Variants in P2RX5 observed in about 807,000 individuals in gnomAD.
The protein encoded by P2RX5 is purinergic receptor P2X 5.
In P2RX5, 46 loss-of-function variants were observed where a neutral mutation model predicts 54.1. The ratio of observed to expected loss-of-function variants is 0.85; its 90% CI spans 0.67 to 1.09. P2RX5 has a LOEUF of 1.09. P2RX5 is among the 50% of genes least tolerant of loss of function. The pLI is 0.00. For missense variants in P2RX5, 566 were observed against 549.8 expected (o/e 1.03, Z -0.29); for synonymous variants, 226 against 226.4 (o/e 1.00, Z 0.02).
In P2RX5 at chr17:3,689,516, G is replaced by C. The variant is rs752102980; in HGVS notation, c.729C>G (p.Ser243Arg). 1.9e-6 allele frequency: 3 copies of C among 1,614,036 alleles called. No individual in the cohort carries two copies. The highest frequency in any genetic ancestry group is 1.3e-5 in the African/African-American group (1 of 74,944). ...CCTCCAGGGCTATATCCTGGAAGTC[G>C]CTCCCGGCCCAGCGGATCACGGAGC... ...RLGSVIRWAG[S>R]DFQDIALEGG... The change falls in exon 7 of 12, where the codon AGC (serine) becomes AGG (arginine). Residue 243 changes from serine to arginine, a missense_variant. Coordinates refer to ENST00000225328, the MANE Select transcript of P2RX5 (RefSeq NM_002561.4).
chr17:3,717,623 C>T, the P2RX5 span: 5 of 152,190 alleles, frequency 3.3e-5, no homozygotes, highest in African/African-American at 4.8e-5. Flanking sequence ...CAACCCTTCA[C>T]GTGTATGTTT....
At chr17:3,713,151 G>A in the P2RX5 span, among the ~76,000 whole-genome samples, 1 of 152,162 alleles carries the variant, frequency 6.6e-6, no homozygotes, top group Admixed American at 6.5e-5. Flanking sequence ...GAAGCCAGGA[G>A]TTTGAAATCA....
intron 1 of P2RX5, among the ~76,000 whole-genome samples, chr17:3,695,376 G>A (rs1432882744): frequency 6.6e-6 from 1 of 152,108 alleles, no homozygotes; most frequent in East Asian, 1.9e-4. Context: ...CAAGTTGACC[G>A]GAAGGGAGCT....
chr17:3,689,335 G>A (rs1188369913), intron 7 of P2RX5, among the ~76,000 whole-genome samples, 157 bp downstream of exon 7: 3 of 151,246 alleles, frequency 2.0e-5, no homozygotes, highest in Non-Finnish European at 3.0e-5. Flanking sequence ...CTGCCTGTGT[G>A]CCACAGCCAG....
chr17:3,695,754 G>A (rs2050740636), intron 1 of P2RX5, 115 bp downstream of exon 1: 4 of 1,319,854 alleles, frequency 3.0e-6, no homozygotes, highest in Non-Finnish European at 1.1e-6. Flanking sequence ...CAGACCCCCA[G>A]CTACCGGGAA....
intron 9 of P2RX5, among the ~76,000 whole-genome samples, chr17:3,683,631 G>A (rs2050348101): frequency 1.3e-5 from 2 of 151,812 alleles, no homozygotes; most frequent in Admixed American, 1.3e-4. Context: ...TCAGGAGGCT[G>A]AGGCAGAAGA....
intron 10 of P2RX5, among the ~76,000 whole-genome samples, chr17:3,681,660 G>T (rs2050285095): frequency 6.6e-6 from 1 of 152,216 alleles, no homozygotes; most frequent in Admixed American, 6.5e-5. Context: ...TCCAGAATCA[G>T]GCGGAGCCTG....
intron 10 of P2RX5, 117 bp downstream of exon 10, chr17:3,681,779 C>T: frequency 2.7e-6 from 2 of 753,534 alleles, no homozygotes; most frequent in South Asian, 2.8e-5. Flanking sequence ...CCTCCCCGGG[C>T]CCTCCAGCCC....
At chr17:3,680,412 C>T (rs113435933) in intron 10 of P2RX5, among the ~76,000 whole-genome samples, 3 of 120,670 alleles carry the variant, frequency 2.5e-5, no homozygotes, top group African/African-American at 3.3e-5. Context: ...CTCCACCCAG[C>T]GTCCTCCACC....
At chr17:3,694,575 A>G (rs1433375733) in intron 1 of P2RX5, among the ~76,000 whole-genome samples, 1 of 152,212 alleles carries the variant, frequency 6.6e-6, no homozygotes, top group East Asian at 1.9e-4. Context: ...GTGAGGACAC[A>G]GCGAGAGGGT....
In P2RX5 at chr17:3,695,937, G is replaced by T; in HGVS notation, c.69C>A (p.Ile23=). The change falls in exon 1 of 12, where the codon ATC becomes ATA. Residue 23 remains isoleucine (I), a synonymous_variant. Coordinates refer to ENST00000225328, the MANE Select transcript of P2RX5 (RefSeq NM_002561.4). ...LFDYKTEKYV[I]AKNKKVGLLY... ...GCAGGCCCACCTTCTTGTTCTTGGCGATGACATACTTCTCGGTCTTGTAGT... is the reference window on the plus strand; with the variant it reads ...GCAGGCCCACCTTCTTGTTCTTGGCTATGACATACTTCTCGGTCTTGTAGT... The T allele has an allele frequency of 1.2e-6, 2 of 1,614,122 alleles. No individual in the cohort carries two copies. The highest frequency in any genetic ancestry group is 1.3e-5 in the African/African-American group (1 of 75,060).
At chr17:3,699,853 A>AGAAAGAAAG (rs1555571290), upstream of P2RX5, among the ~76,000 whole-genome samples, 5 of 80,884 alleles carry the variant, frequency 6.2e-5, no homozygotes, top group African/African-American at 1.9e-4. Flanking sequence ...AGAAAAAGAA[A>AGAAAGAAAG]AAAGAAAGAA....
intron 8 of P2RX5, among the ~76,000 whole-genome samples, 172 bp downstream of exon 8, chr17:3,688,454 G>C (rs2050511403): frequency 6.6e-6 from 1 of 152,190 alleles, no homozygotes; most frequent in African/African-American, 2.4e-5. Flanking sequence ...GGCACCCCCA[G>C]CTTCAGTCGC....
At chr17:3,693,677 G>A (rs919633837) in intron 1 of P2RX5, among the ~76,000 whole-genome samples, 49 of 152,184 alleles carry the variant, frequency 3.2e-4, no homozygotes, top group African/African-American at 1.2e-3. Context: ...GGCAGAGGTT[G>A]TAGTGAGCTG....
At chr17:3,688,190 TAGA>T in intron 8 of P2RX5, 85 bp from the exon 9 acceptor site, 1 of 768,026 alleles carries the variant, frequency 1.3e-6, no homozygotes, top group South Asian at 1.5e-5. Flanking sequence ...TCTGGGGACT[TAGA>T]AGGACTCCCG....
Position 3,673,322 on chromosome 17 carries a change from C to T in P2RX5, c.*546G>A. ...CCCAGAAAGCGTCTGCCATCTCCCC[C>T]ACTTTAATTCTGTGTACTGGCCTAA... On this transcript the variant is annotated 3_prime_UTR_variant, in exon 12 of 12. Coordinates refer to ENST00000225328, the MANE Select transcript of P2RX5 (RefSeq NM_002561.4). 1.0e-6 allele frequency: 1 copy of T among 993,004 alleles called. No homozygotes were observed. Among genetic ancestry groups the T allele is most frequent in the Non-Finnish European group, 1.2e-6 (1 of 833,726 alleles). The allele number at this position is 993,004 out of a possible 1,614,324, so 61.5% of individuals were successfully genotyped here. A position where few individuals can be genotyped will look rare whatever the true frequency, so the allele number is the denominator to read the frequency against.
chr17:3,719,958 T>C, the P2RX5 span, among the ~76,000 whole-genome samples: 479 of 152,320 alleles, frequency 3.1e-3, 6 homozygotes, highest in African/African-American at 0.011. Context: ...ACTTCTGACC[T>C]CAGGTGATCC....
chr17:3,689,758 G>T (rs1269915541), intron 6 of P2RX5, 128 bp from the exon 7 acceptor site: 2 of 1,275,258 alleles, frequency 1.6e-6, no homozygotes, highest in Non-Finnish European at 2.3e-6. Flanking sequence ...CCACTTTACA[G>T]CAGGGGAAGG....
intron 9 of P2RX5, among the ~76,000 whole-genome samples, chr17:3,684,835 C>CCTTTTTTTTTTTT (rs2050390904): frequency 1.2e-5 from 1 of 86,706 alleles, no homozygotes. Context: ...ATCCTGCCCC[C>CCTTTTTTTTTTTT]TTTTTTTTTT....
Sources: allele counts gnomAD v4.1 joint callset (sites outside exome capture counted in the v4.1 genomes callset), GRCh38; gene constraint gnomAD v4.1.1; transcripts MANE v1.5; gene names NCBI Gene and HGNC (gene_info 2026-07-23, HGNC 2026-07-21).